The following RAB10 variants were observed in gnomAD, a reference collection of about 807,000 sequenced individuals.
RAB10 encodes the protein ras-related protein Rab-10.
Under a neutral mutation model 25.7 loss-of-function variants are expected in RAB10, and 5 were observed. The observed-to-expected ratio is 0.19, with a 90% CI of 0.10 to 0.41. RAB10 has a LOEUF of 0.41. Ranked by LOEUF, RAB10 falls within the 10% of genes least tolerant of loss-of-function variation. The probability of loss-of-function intolerance (pLI) is 1.00; values close to 1 mark genes in which losing one functional copy is unlikely to be tolerated. For missense variants in RAB10, 103 were observed against 245.8 expected (o/e 0.42, Z 3.89); for synonymous variants, 89 against 86.4 (o/e 1.03, Z -0.16).
intron 1 of RAB10, among the ~76,000 whole-genome samples, chr2:26,054,035 G>GTT (rs1666194173): frequency 9.8e-6 from 1 of 102,204 alleles, no homozygotes; most frequent in African/African-American, 3.8e-5. Context: ...TTTCCCTTCT[G>GTT]TTCTTTTTTT....
At chr2:26,038,880 GCACTA>G (rs1376643676) in intron 1 of RAB10, among the ~76,000 whole-genome samples, 1 of 143,682 alleles carries the variant, frequency 7.0e-6, no homozygotes, top group East Asian at 2.1e-4. Flanking sequence ...AGCCGAGGTC[GCACTA>G]CTGCACTTCA....
At chr2:26,034,919 C>T (rs768393984) in intron 1 of RAB10, among the ~76,000 whole-genome samples, 184 bp downstream of exon 1, 1 of 152,190 alleles carries the variant, frequency 6.6e-6, no homozygotes, top group South Asian at 2.1e-4. Context: ...TGATTTCCAT[C>T]CGGTCTTTTG....
chr2:26,097,593 A>G (rs1667250167), intron 1 of RAB10, among the ~76,000 whole-genome samples: 2 of 152,166 alleles, frequency 1.3e-5, no homozygotes, highest in Non-Finnish European at 2.9e-5. Flanking sequence ...AATACTGTTA[A>G]ATGTGTTGAA....
intron 1 of RAB10, among the ~76,000 whole-genome samples, chr2:26,094,443 G>C (rs565690332): frequency 4.0e-5 from 6 of 151,552 alleles, no homozygotes; most frequent in African/African-American, 1.2e-4. Context: ...GTAGAGATGG[G>C]GTTTCACCAT....
intron 1 of RAB10, among the ~76,000 whole-genome samples, chr2:26,050,653 T>A (rs1053778398): frequency 1.3e-5 from 2 of 152,146 alleles, no homozygotes; most frequent in African/African-American, 4.8e-5. Flanking sequence ...AATTTTTTCT[T>A]TGGAGACAGG....
chr2:26,042,232 T>C (rs1665906114), intron 1 of RAB10, among the ~76,000 whole-genome samples: 1 of 152,162 alleles, frequency 6.6e-6, no homozygotes, highest in African/African-American at 2.4e-5. Flanking sequence ...AGAAATCAAG[T>C]TGGTAAAGGC....
intron 1 of RAB10, among the ~76,000 whole-genome samples, chr2:26,057,722 A>C (rs1666298874): frequency 6.6e-6 from 1 of 151,766 alleles, no homozygotes; most frequent in Admixed American, 6.6e-5. Context: ...TCCCGAGTTC[A>C]AGTGATTCTC....
Position 26,135,281 on chromosome 2 carries a change from A to G in RAB10, c.*260A>G, listed in dbSNP as rs35339463. 13 of 388,014 alleles carry G rather than the reference A, an allele frequency of 3.4e-5. No individual in the cohort carries two copies. The highest frequency in any genetic ancestry group is 6.5e-4 in the Middle Eastern group (1 of 1,542). The allele number at this position is 388,014 out of a possible 1,614,324, so 24.0% of individuals were successfully genotyped here. The stretch of plus-strand genomic sequence containing the variant: ...TACTTGCTCAGCTCAACTGCATTTC[A>G]GTTGTATTATAGTCCAGTTCTTATC... On this transcript the variant is annotated 3_prime_UTR_variant, in exon 6 of 6. Coordinates refer to ENST00000264710, the MANE Select transcript of RAB10 (RefSeq NM_016131.5).
intron 1 of RAB10, among the ~76,000 whole-genome samples, chr2:26,080,284 A>G (rs1000203158): frequency 6.6e-6 from 1 of 152,246 alleles, no homozygotes; most frequent in Non-Finnish European, 1.5e-5. Flanking sequence ...CAGAATTTCA[A>G]TTAAGAACTG....
At position 26,039,432 on chromosome 2, in the gene RAB10, A is replaced by G. The variant is rs539097813; in HGVS notation, c.127+4697A>G. On this transcript the variant is annotated intron_variant, in intron 1 of 5. Transcript: ENST00000264710. Reference sequence around the variant, plus strand: ...GCGATCTGGGCTCACTGCAACCTCCACTTCCCAGATTCAAGCAATTCTCCC... The same window carrying G: ...GCGATCTGGGCTCACTGCAACCTCCGCTTCCCAGATTCAAGCAATTCTCCC... Among the ~76,000 whole-genome samples, 65 of 151,844 alleles carry G rather than the reference A, an allele frequency of 4.3e-4. 2 individuals are homozygous for G. The South Asian group carries it at 0.013, about 30-fold the overall frequency.
chr2:26,044,743 G>T (rs1000727072), intron 1 of RAB10, among the ~76,000 whole-genome samples: 1 of 151,720 alleles, frequency 6.6e-6, no homozygotes, highest in Non-Finnish European at 1.5e-5. Flanking sequence ...ACAGGGTTTC[G>T]CCCTGTTGAC....
chr2:26,045,256 T>C (rs1665975758), intron 1 of RAB10, among the ~76,000 whole-genome samples: 1 of 117,046 alleles, frequency 8.5e-6, no homozygotes, highest in South Asian at 2.7e-4. Context: ...TTTTTTTTTT[T>C]TGAGACAGAG....
chr2:26,051,659 C>G (rs1462722963), intron 1 of RAB10, among the ~76,000 whole-genome samples: 1 of 144,932 alleles, frequency 6.9e-6, no homozygotes, highest in Non-Finnish European at 1.6e-5. Context: ...GAGGCTGAGG[C>G]AGGAGAATCA....
chr2:26,081,782 A>G (rs77925577), intron 1 of RAB10, among the ~76,000 whole-genome samples: 4,176 of 152,352 alleles, frequency 0.027, 86 homozygotes, highest in Non-Finnish European at 0.047. Flanking sequence ...AAAGGAAACA[A>G]TGTAAGCCGC....
intron 1 of RAB10, among the ~76,000 whole-genome samples, chr2:26,081,653 C>A (rs370469875): frequency 1.3e-5 from 2 of 152,300 alleles, no homozygotes; most frequent in Non-Finnish European, 1.5e-5. Flanking sequence ...AAGTTATTAA[C>A]ATCAGGAGAA....
intron 1 of RAB10, among the ~76,000 whole-genome samples, chr2:26,094,915 C>A (rs542326728): frequency 6.6e-6 from 1 of 152,036 alleles, no homozygotes; most frequent in East Asian, 1.9e-4. Flanking sequence ...TTTGGGGGTT[C>A]GGTTGTCTTT....
At chr2:26,122,676 A>C (rs1667830992) in intron 3 of RAB10, among the ~76,000 whole-genome samples, 2 of 152,162 alleles carry the variant, frequency 1.3e-5, no homozygotes, top group South Asian at 2.1e-4. Flanking sequence ...GATATTCAAG[A>C]AAAAGTGAAG....
At chr2:26,094,758 CACATTGGCCAG>C (rs1667176423) in intron 1 of RAB10, among the ~76,000 whole-genome samples, 1 of 152,100 alleles carries the variant, frequency 6.6e-6, no homozygotes, top group Non-Finnish European at 1.5e-5. Flanking sequence ...GGAGTTTCAC[CACATTGGCCAG>C]GCTAGTCTTG....
chr2:26,125,468 A>T, intron 3 of RAB10, among the ~76,000 whole-genome samples: 1 of 139,154 alleles, frequency 7.2e-6, no homozygotes. Context: ...TTTTTTCCAG[A>T]CAGGTTCTTG....
Sources: allele counts gnomAD v4.1 joint callset (sites outside exome capture counted in the v4.1 genomes callset), GRCh38; gene constraint gnomAD v4.1.1; transcripts MANE v1.5; gene names NCBI Gene and HGNC (gene_info 2026-07-23, HGNC 2026-07-21).